SOX13: variants seen among roughly 807,000 people sequenced by gnomAD.
SOX13 encodes the protein SRY-box transcription factor 13.
Under a neutral mutation model 71.8 loss-of-function variants are expected in SOX13, and 28 were observed. That is an observed-to-expected ratio of 0.39 (90% confidence interval 0.29 to 0.53). The LOEUF is 0.53. SOX13 is among the 20% of genes least tolerant of loss of function. SOX13 has a pLI of 0.70. For synonymous variants in SOX13, 309 were observed against 317.8 expected (o/e 0.97, Z 0.29); for missense variants, 627 against 810.3 (o/e 0.77, Z 2.75).
At chr1:204,107,731 G>C (rs1351597871) in intron 1 of SOX13, among the ~76,000 whole-genome samples, 3 of 152,172 alleles carry the variant, frequency 2.0e-5, no homozygotes, top group African/African-American at 4.8e-5. Flanking sequence ...CTCTCCATTG[G>C]GGGCGGGGTG....
In SOX13 at chr1:204,109,010, C is replaced by G. The variant is rs555970774; in HGVS notation, c.-1-3905C>G. Among the ~76,000 whole-genome samples, 8 of 152,340 alleles carry G rather than the reference C, an allele frequency of 5.3e-5. 1 individual carries two copies. The South Asian group carries it at 1.7e-3, about 32-fold the overall frequency. On this transcript the variant is annotated intron_variant, in intron 1 of 13. Transcript: ENST00000367204. ...TCCCCAACTGCACCCACTCCCACTT[C>G]TCGCCCCCCTGCTCTCGGCCTGGCT...
At chr1:204,094,771 G>A (rs2102235427) in intron 1 of SOX13, among the ~76,000 whole-genome samples, 1 of 152,344 alleles carries the variant, frequency 6.6e-6, no homozygotes, top group South Asian at 2.1e-4. Flanking sequence ...GGTTAAGTGG[G>A]AACTGGGATA....
rs768915028 is a variant in SOX13 at position 204,126,108 on chromosome 1, G to A, written c.1843G>A (p.Gly615Arg). 2.5e-6 allele frequency: 4 copies of A among 1,613,834 alleles called. No homozygotes were observed. The African/African-American group carries it at 5.3e-5, about 22-fold the overall frequency. Residue 615 changes from glycine to arginine, a missense_variant, in exon 14 of 14, where the codon GGG becomes AGG. By Grantham distance (125) the Gly-to-Arg change is moderately radical. Transcript: ENST00000367204. ...CTCGGAGGGCGAAGAGAAGAGCGAT[G>A]GGGAGTTGGTGGTGCTCACAGACTG... ...EDSEGEEKSDGELVVLTD is the reference protein window; with the variant it reads ...EDSEGEEKSDRELVVLTD
rs762257030 is a variant in SOX13, at chr1:204,126,117, G to A, written c.1852G>A (p.Val618Met). 4 of 1,613,918 alleles carry A rather than the reference G, an allele frequency of 2.5e-6. No homozygotes were observed. In the Admixed American group the frequency reaches 6.7e-5, roughly 27 times the overall value. The change falls in exon 14 of 14, where the codon GTG (valine) becomes ATG (methionine). Residue 618 changes from valine (V) to methionine (M), a missense_variant. By Grantham distance (21) the Val-to-Met change is conservative. Coordinates refer to ENST00000367204, the MANE Select transcript of SOX13 (RefSeq NM_005686.3). ...CGAAGAGAAGAGCGATGGGGAGTTG[G>A]TGGTGCTCACAGACTGATCCCGGCT... ...EGEEKSDGEL[V>M]VLTD
At chr1:204,116,479 C>T (rs1044985745) in intron 4 of SOX13, 28 bp from the exon 5 acceptor site, 2 of 1,613,012 alleles carry the variant, frequency 1.2e-6, no homozygotes, top group African/African-American at 1.3e-5. Context: ...TAAAAAGTCT[C>T]AATGGGGTCT....
At chr1:204,086,364 C>T (rs1031401633) in intron 1 of SOX13, among the ~76,000 whole-genome samples, 3 of 152,222 alleles carry the variant, frequency 2.0e-5, no homozygotes, top group Admixed American at 6.5e-5. Context: ...AATGCAGTGG[C>T]GCGATCTCGG....
chr1:204,118,865 T>A (rs16852893), intron 7 of SOX13: 4,907 of 151,934 alleles, frequency 0.032, 260 homozygotes, highest in African/African-American at 0.11. Context: ...GAGAAGTGAG[T>A]GTGTCGTTCT....
intron 1 of SOX13, among the ~76,000 whole-genome samples, chr1:204,103,740 C>T (rs1656404464): frequency 6.6e-6 from 1 of 152,188 alleles, no homozygotes; most frequent in Non-Finnish European, 1.5e-5. Flanking sequence ...TTGGCCTTGC[C>T]ATTGGGAAAC....
At chr1:204,113,362 C>T (rs1346020574) in intron 2 of SOX13, among the ~76,000 whole-genome samples, 2 of 152,216 alleles carry the variant, frequency 1.3e-5, no homozygotes, top group Admixed American at 6.5e-5. Flanking sequence ...TGTACTTACT[C>T]GCTTGATAGT....
chr1:204,115,492 T>TTTTA (rs1491309003), intron 4 of SOX13, among the ~76,000 whole-genome samples: 1 of 49,928 alleles, frequency 2.0e-5, no homozygotes, highest in Non-Finnish European at 3.6e-5. Context: ...TTTTTTTTTT[T>TTTTA]AAAAAAAAAA....
intron 1 of SOX13, among the ~76,000 whole-genome samples, chr1:204,088,292 G>A (rs1656065468): frequency 1.3e-5 from 2 of 152,162 alleles, no homozygotes; most frequent in African/African-American, 4.8e-5. Flanking sequence ...GTGCAAAGGG[G>A]ATGCTGGTCG....
intron 1 of SOX13, among the ~76,000 whole-genome samples, chr1:204,103,915 G>T (rs961891974): frequency 6.6e-6 from 1 of 152,230 alleles, no homozygotes; most frequent in African/African-American, 2.4e-5. Flanking sequence ...CACACTGGGA[G>T]CCTCAATGGC....
chr1:204,084,110 T>A (rs1171912960), intron 1 of SOX13, among the ~76,000 whole-genome samples: 1 of 152,138 alleles, frequency 6.6e-6, no homozygotes, highest in Non-Finnish European at 1.5e-5. Context: ...GCTGGGCATT[T>A]GAAGACAAGG....
In SOX13 at chr1:204,123,445, T is replaced by C. The variant is rs1525051; in HGVS notation, c.1232-216T>C. On this transcript the variant is annotated intron_variant, in intron 11 of 13. Coordinates refer to ENST00000367204, the MANE Select transcript of SOX13 (RefSeq NM_005686.3). The surrounding 1 kb of genome is among the most constrained non-coding windows in gnomAD (Gnocchi z 5.0). ...TTGAGGCCATACCGCTGTGATTTTC[T>C]TGTGTGTCTGTCTCTGGTTCCCTGG... Among the ~76,000 whole-genome samples, 15,389 of 152,252 alleles carry C rather than the reference T, an allele frequency of 0.1. 1,076 individuals carry two copies. Among genetic ancestry groups the C allele is most frequent in the East Asian group, 0.41 (2,099 of 5,150 alleles).
chr1:204,115,085 C>T (rs989127521), intron 4 of SOX13, among the ~76,000 whole-genome samples: 1 of 151,632 alleles, frequency 6.6e-6, no homozygotes, highest in African/African-American at 2.4e-5. Flanking sequence ...AATCTTGGCT[C>T]ACTGCAGCCT....
At chr1:204,087,525 G>A (rs947692954) in intron 1 of SOX13, among the ~76,000 whole-genome samples, 3 of 152,220 alleles carry the variant, frequency 2.0e-5, no homozygotes, top group African/African-American at 7.2e-5. Flanking sequence ...GGTGTTTCCG[G>A]GAGGTGCTGG....
At chr1:204,121,322 G>A (rs998914878) in intron 7 of SOX13, among the ~76,000 whole-genome samples, 3 of 152,138 alleles carry the variant, frequency 2.0e-5, no homozygotes, top group Non-Finnish European at 4.4e-5. Flanking sequence ...GTCTTGCTAT[G>A]TTGACCAGAT....
intron 1 of SOX13, among the ~76,000 whole-genome samples, chr1:204,080,961 GTA>G (rs1465915727): frequency 6.7e-6 from 1 of 149,128 alleles, no homozygotes; most frequent in African/African-American, 2.5e-5. Context: ...CCAGGCTGGA[GTA>G]TGCAATGGTG....
At chr1:204,117,741 C>G in intron 7 of SOX13, 34 bp downstream of exon 7, 1 of 1,457,928 alleles carries the variant, frequency 6.9e-7, no homozygotes, top group Non-Finnish European at 9.5e-7. Context: ...ACCACTGCGG[C>G]CAGCCTGTCC....
Sources: allele counts gnomAD v4.1 joint callset (sites outside exome capture counted in the v4.1 genomes callset), GRCh38; gene constraint gnomAD v4.1.1; non-coding constraint Gnocchi (gnomAD v3.1); transcripts MANE v1.5; gene names NCBI Gene and HGNC (gene_info 2026-07-23, HGNC 2026-07-21).